Variants in WFDC8 observed in about 807,000 individuals in gnomAD.
WFDC8 encodes the protein WAP four-disulfide core domain 8, also known as WAP four-disulfide core domain protein 8.
WFDC8 carries 24 observed loss-of-function variants against 27.0 expected under a neutral mutation model. The observed-to-expected ratio is 0.89, with a 90% CI of 0.64 to 1.25. The LOEUF is 1.25. Among genes scored for constraint, WFDC8 ranks in the 50% most tolerant of loss-of-function variants. The pLI is 0.00. For missense variants in WFDC8, 287 were observed against 295.9 expected (o/e 0.97, Z 0.22); for synonymous variants, 106 against 99.7 (o/e 1.06, Z -0.38).
At chr20:45,555,587 C>T (rs995225262) in intron 4 of WFDC8, 114 bp downstream of exon 4, 3 of 1,221,702 alleles carry the variant, frequency 2.5e-6, no homozygotes, top group Middle Eastern at 2.9e-4. Flanking sequence ...CAGTGAATGA[C>T]AGAGCTAAGT....
rs184108944 is a variant in WFDC8, at chr20:45,577,943, G to A, written c.26+1279C>T. On this transcript the variant is annotated intron_variant, in intron 1 of 5. Coordinates refer to ENST00000289953, the MANE Select transcript of WFDC8 (RefSeq NM_130896.3). The stretch of plus-strand genomic sequence containing the variant: ...GATCCCTTGAACCCAGAAGGTGGAG[G>A]TTGCAGAGAGCCGAGATCACACCAC... Among the ~76,000 whole-genome samples the A allele has an allele frequency of 9.0e-4, 135 of 149,796 alleles. 4 individuals are homozygous for A. Among genetic ancestry groups the A allele is most frequent in the African/African-American group, 3.2e-3 (132 of 41,182 alleles).
At chr20:45,579,194 T>A in intron 1 of WFDC8, 28 bp downstream of exon 1, 6 of 1,612,784 alleles carry the variant, frequency 3.7e-6, no homozygotes, top group Non-Finnish European at 5.1e-6. Flanking sequence ...CATGTCTGGC[T>A]ACCCACCCCC....
At chr20:45,569,092 C>T (rs1418640851) in intron 1 of WFDC8, among the ~76,000 whole-genome samples, 1 of 152,238 alleles carries the variant, frequency 6.6e-6, no homozygotes, top group African/African-American at 2.4e-5. Flanking sequence ...CAAATCCAAT[C>T]CTGCTTGATT....
intron 1 of WFDC8, among the ~76,000 whole-genome samples, chr20:45,570,457 A>T (rs956223335): frequency 2.0e-5 from 3 of 152,146 alleles, no homozygotes; most frequent in Admixed American, 6.5e-5. Context: ...TTACATGTTC[A>T]CATAATGCAT....
At chr20:45,565,047 G>GAA (rs1980622650) in intron 1 of WFDC8, among the ~76,000 whole-genome samples, 3 of 144,960 alleles carry the variant, frequency 2.1e-5, no homozygotes, top group Non-Finnish European at 4.5e-5. Flanking sequence ...AAGAAAGGAA[G>GAA]GAAGGAAGAA....
chr20:45,573,208 GC>G (rs1980928801), intron 1 of WFDC8, among the ~76,000 whole-genome samples: 1 of 152,196 alleles, frequency 6.6e-6, no homozygotes, highest in South Asian at 2.1e-4. Flanking sequence ...ATGTAATGGA[GC>G]TTTCCCCCTA....
intron 1 of WFDC8, among the ~76,000 whole-genome samples, chr20:45,563,179 TA>T (rs1196532881): frequency 1.3e-5 from 2 of 152,182 alleles, no homozygotes; most frequent in African/African-American, 4.8e-5. Context: ...AATTTTACAA[TA>T]GTGCCTATAC....
intron 1 of WFDC8, among the ~76,000 whole-genome samples, chr20:45,577,428 C>G (rs1307914359): frequency 6.7e-6 from 1 of 149,430 alleles, no homozygotes; most frequent in African/African-American, 2.4e-5. Context: ...GAGATGGAGT[C>G]TCACTCTGTC....
chr20:45,552,231 G>C (rs1456108852), intron 5 of WFDC8, 66 bp from the exon 6 acceptor site: 2 of 1,568,712 alleles, frequency 1.3e-6, no homozygotes, highest in African/African-American at 2.7e-5. Flanking sequence ...CAAATTTGAG[G>C]AATCTTGGGA....
chr20:45,577,404 CTT>C (rs543909192), intron 1 of WFDC8, among the ~76,000 whole-genome samples: 1 of 145,208 alleles, frequency 6.9e-6, no homozygotes, highest in Admixed American at 6.9e-5. Flanking sequence ...CATAAGGTGT[CTT>C]TTTTTTTTTT....
At chr20:45,566,226 T>G (rs1980671688) in intron 1 of WFDC8, among the ~76,000 whole-genome samples, 1 of 152,114 alleles carries the variant, frequency 6.6e-6, no homozygotes, top group African/African-American at 2.4e-5. Context: ...CAAATCCTTT[T>G]GCAAGATACC....
rs372125706 is a variant in WFDC8 at position 45,561,869 on chromosome 20, T to C, written c.136+241A>G. ...ATCTCTGGGGATCATCCCTAGTAGATGCAAACTATATATATAGTCTCCTTA... is the reference window on the plus strand; with the variant it reads ...ATCTCTGGGGATCATCCCTAGTAGACGCAAACTATATATATAGTCTCCTTA... On this transcript the variant is annotated intron_variant, in intron 2 of 5. Transcript: ENST00000289953. Among the ~76,000 whole-genome samples the C allele has an allele frequency of 2.1e-4, 32 of 152,068 alleles. No homozygotes were observed. In the East Asian group the frequency reaches 6.0e-3, roughly 28 times the overall value.
intron 1 of WFDC8, among the ~76,000 whole-genome samples, chr20:45,564,999 A>AAG (rs1346416057): frequency 6.6e-4 from 89 of 134,256 alleles, no homozygotes; most frequent in Non-Finnish European, 9.9e-4. Flanking sequence ...AAAGGAAAGG[A>AAG]AAGGAAGAAA....
intron 5 of WFDC8, among the ~76,000 whole-genome samples, 196 bp downstream of exon 5, chr20:45,552,940 T>C (rs1915949952): frequency 6.6e-6 from 1 of 152,202 alleles, no homozygotes; most frequent in Non-Finnish European, 1.5e-5. Flanking sequence ...AATTACTGGC[T>C]TTGAAGAACA....
chr20:45,572,586 C>CTTAT lies in WFDC8; in HGVS notation c.26+6632_26+6635dup, dbSNP rs370060643. On this transcript the variant is annotated intron_variant, in intron 1 of 5. Coordinates refer to ENST00000289953, the MANE Select transcript of WFDC8 (RefSeq NM_130896.3). The stretch of plus-strand genomic sequence containing the variant: ...ATAAACCTATTGGCTATTTGAATGC[C>CTTAT]TTATTTATTTATTTACTAACTTACT... Among the ~76,000 whole-genome samples, 1,153 of 151,948 alleles carry CTTAT rather than the reference C, an allele frequency of 7.6e-3. 15 individuals are homozygous for CTTAT. The highest frequency in any genetic ancestry group is 0.026 in the African/African-American group (1,088 of 41,398).
intron 2 of WFDC8, among the ~76,000 whole-genome samples, chr20:45,560,718 C>T (rs963597671): frequency 2.0e-5 from 3 of 152,224 alleles, no homozygotes; most frequent in African/African-American, 4.8e-5. Flanking sequence ...AGGAGCCCCA[C>T]GTCTTCCCTG....
At chr20:45,578,201 G>C (rs993981200) in intron 1 of WFDC8, among the ~76,000 whole-genome samples, 2 of 151,178 alleles carry the variant, frequency 1.3e-5, no homozygotes, top group African/African-American at 4.8e-5. Context: ...GTTATGTATT[G>C]ATCAAATGAT....
chr20:45,567,536 CT>C (rs527694486), intron 1 of WFDC8, among the ~76,000 whole-genome samples: 187 of 152,266 alleles, frequency 1.2e-3, no homozygotes, highest in African/African-American at 4.4e-3. Context: ...CAGTGGTCTA[CT>C]GAAACACAGA....
Position 45,566,519 on chromosome 20 carries a change from C to T in WFDC8, c.27-4300G>A, listed in dbSNP as rs150876833. ...TCTACTAAAAAATACAAAAATTAGT[C>T]GGGCATGGTGGTGCATGACTGTAAT... On this transcript the variant is annotated intron_variant, in intron 1 of 5. Transcript: ENST00000289953. Among the ~76,000 whole-genome samples, 23 of 151,902 alleles carry T rather than the reference C, an allele frequency of 1.5e-4. No homozygotes were observed. In the East Asian group the frequency reaches 3.1e-3, roughly 20 times the overall value.
Sources: allele counts gnomAD v4.1 joint callset (sites outside exome capture counted in the v4.1 genomes callset), GRCh38; gene constraint gnomAD v4.1.1; transcripts MANE v1.5; gene names NCBI Gene and HGNC (gene_info 2026-07-23, HGNC 2026-07-21).